Variants in LIN7A observed in about 807,000 individuals in gnomAD.
LIN7A encodes lin-7 cell polarity scaffold A, also known as protein lin-7 homolog A.
A neutral mutation model predicts 29.8 loss-of-function variants in LIN7A; 25 were observed. The ratio of observed to expected loss-of-function variants is 0.84; its 90% CI spans 0.61 to 1.17. LIN7A has a LOEUF of 1.17. LIN7A is among the 50% of genes most tolerant of loss of function. LIN7A has a pLI of 0.00. For missense variants in LIN7A, 239 were observed against 287.0 expected (o/e 0.83, Z 1.21); for synonymous variants, 118 against 107.5 (o/e 1.10, Z -0.60).
At position 80,851,687 on chromosome 12, in the gene LIN7A, G is replaced by A. The variant is rs536339814; in HGVS notation, c.202-3365C>T. ...AAAATAGTTGTATGTGCTTTAATGA[G>A]GGGCTTATACGTGGGGCTTATAGAC... is the stretch of plus-strand genomic sequence containing the variant. On this transcript the variant is annotated intron_variant, in intron 2 of 5. Transcript: ENST00000552864. 2.0e-5 allele frequency among the ~76,000 whole-genome samples: 3 copies of A among 152,228 alleles called. No homozygotes were observed. The East Asian group carries it at 5.8e-4, about 29-fold the overall frequency.
chr12:80,885,904 A>G, intron 2 of LIN7A, among the ~76,000 whole-genome samples: 1 of 152,170 alleles, frequency 6.6e-6, no homozygotes, highest in East Asian at 1.9e-4. Context: ...TATAATAATA[A>G]CTACTGTTAC....
At chr12:80,930,671 T>A (rs762905945) in intron 1 of LIN7A, among the ~76,000 whole-genome samples, 9 of 152,232 alleles carry the variant, frequency 5.9e-5, no homozygotes, top group African/African-American at 2.2e-4. Context: ...TGCAGACAAC[T>A]GAAACAGGGC....
intron 2 of LIN7A, among the ~76,000 whole-genome samples, chr12:80,849,085 G>A (rs1387909967): frequency 6.6e-6 from 1 of 152,134 alleles, no homozygotes; most frequent in Non-Finnish European, 1.5e-5. Context: ...ATGGTTAGAA[G>A]GAAATTGACA....
intron 1 of LIN7A, among the ~76,000 whole-genome samples, chr12:80,902,346 G>T (rs929575522): frequency 5.3e-5 from 8 of 151,748 alleles, no homozygotes; most frequent in Admixed American, 5.3e-4. Flanking sequence ...GGCTATTTGG[G>T]CTCTTTTTTG....
intron 2 of LIN7A, among the ~76,000 whole-genome samples, chr12:80,877,317 A>G (rs1479035822): frequency 6.6e-6 from 1 of 152,114 alleles, no homozygotes; most frequent in East Asian, 1.9e-4. Flanking sequence ...ATAAACTGTG[A>G]TATCTTCACA....
At chr12:80,883,967 C>T (rs1163676) in intron 2 of LIN7A, among the ~76,000 whole-genome samples, 103,399 of 151,986 alleles carry the variant, frequency 0.68, 39,140 homozygotes, top group Non-Finnish European at 0.87. Context: ...GAACAGTAGA[C>T]GGATAAACTC....
At chr12:80,848,487 A>T (rs1051170555) in intron 2 of LIN7A, among the ~76,000 whole-genome samples, 165 bp from the exon 3 acceptor site, 1 of 152,226 alleles carries the variant, frequency 6.6e-6, no homozygotes, top group African/African-American at 2.4e-5. Flanking sequence ...CTTAAACAGC[A>T]GATATTATTA....
chr12:80,891,990 G>T (rs780500909), intron 1 of LIN7A, among the ~76,000 whole-genome samples: 3 of 152,122 alleles, frequency 2.0e-5, no homozygotes, highest in Non-Finnish European at 4.4e-5. Flanking sequence ...CCATATAAGG[G>T]CAGACTTGGC....
intron 4 of LIN7A, among the ~76,000 whole-genome samples, chr12:80,841,404 G>T (rs1872814869): frequency 6.7e-6 from 1 of 149,722 alleles, no homozygotes; most frequent in East Asian, 2.0e-4. Context: ...AGGAAGGAAG[G>T]AAGGAGGGAA....
At chr12:80,802,533 A>G (rs527728389) in intron 5 of LIN7A, among the ~76,000 whole-genome samples, 1 of 151,694 alleles carries the variant, frequency 6.6e-6, no homozygotes, top group African/African-American at 2.4e-5. Flanking sequence ...GTTTTTGAGG[A>G]CCCTCCTCCA....
In LIN7A at chr12:80,880,751, G is replaced by GCACACA. The variant is rs202207302; in HGVS notation, c.201+8494_201+8499dup. Among the ~76,000 whole-genome samples, 237 of 136,256 alleles carry GCACACA rather than the reference G, an allele frequency of 1.7e-3. 2 individuals are homozygous for GCACACA. The highest frequency in any genetic ancestry group is 7.4e-3 in the Middle Eastern group (2 of 272). 89.4% of individuals were successfully genotyped at this position (136,256 alleles called of 152,430 possible). On this transcript the variant is annotated intron_variant, in intron 2 of 5. Transcript: ENST00000552864. ...ATAAACTCTGTTGGGAGGAGGCAAC[G>GCACACA]CACACACACACACACACACACACAT... is the stretch of plus-strand genomic sequence containing the variant.
At chr12:80,823,603 C>T (rs1201819632) in intron 4 of LIN7A, among the ~76,000 whole-genome samples, 3 of 152,278 alleles carry the variant, frequency 2.0e-5, no homozygotes, top group East Asian at 1.9e-4. Flanking sequence ...AGGATCCAGG[C>T]GAGTAGCAGA....
At chr12:80,852,853 A>G (rs1383441915) in intron 2 of LIN7A, among the ~76,000 whole-genome samples, 3 of 152,190 alleles carry the variant, frequency 2.0e-5, no homozygotes, top group East Asian at 1.9e-4. Flanking sequence ...CATATGACCC[A>G]GTTCTGTCCA....
intron 1 of LIN7A, among the ~76,000 whole-genome samples, chr12:80,905,757 A>G (rs1363362798): frequency 1.3e-5 from 2 of 152,076 alleles, no homozygotes; most frequent in Non-Finnish European, 2.9e-5. Flanking sequence ...TTTGGCTTGA[A>G]TTCTATTTTG....
intron 2 of LIN7A, among the ~76,000 whole-genome samples, chr12:80,885,740 A>G (rs900385258): frequency 1.3e-5 from 2 of 152,098 alleles, no homozygotes; most frequent in African/African-American, 4.8e-5. Flanking sequence ...AAAATAGTTA[A>G]GGGAGCTTCA....
chr12:80,805,343 T>TG (rs1170509926), intron 5 of LIN7A, among the ~76,000 whole-genome samples: 1 of 152,018 alleles, frequency 6.6e-6, no homozygotes, highest in Non-Finnish European at 1.5e-5. Flanking sequence ...ATCATGCATG[T>TG]GGTAATGCTA....
At chr12:80,850,490 A>G (rs1306179138) in intron 2 of LIN7A, among the ~76,000 whole-genome samples, 1 of 152,148 alleles carries the variant, frequency 6.6e-6, no homozygotes, top group Non-Finnish European at 1.5e-5. Flanking sequence ...CACTGTTTAC[A>G]TAGAATTGAT....
chr12:80,917,645 T>C (rs1025233793), intron 1 of LIN7A, among the ~76,000 whole-genome samples: 5 of 152,202 alleles, frequency 3.3e-5, no homozygotes, highest in Non-Finnish European at 7.3e-5. Flanking sequence ...AATTTACCTA[T>C]TATTATTTCA....
At chr12:80,870,672 G>A (rs1874383052) in intron 2 of LIN7A, among the ~76,000 whole-genome samples, 3 of 152,094 alleles carry the variant, frequency 2.0e-5, no homozygotes, top group Admixed American at 2.0e-4. Context: ...ACCACAAAGG[G>A]GTAGACAAAG....
Sources: allele counts gnomAD v4.1 joint callset (sites outside exome capture counted in the v4.1 genomes callset), GRCh38; gene constraint gnomAD v4.1.1; transcripts MANE v1.5; gene names NCBI Gene and HGNC (gene_info 2026-07-23, HGNC 2026-07-21).